SFMBT2: variants seen among roughly 807,000 people sequenced by gnomAD.
SFMBT2 encodes the protein Scm like with four mbt domains 2, also known as scm-like with four MBT domains protein 2.
In SFMBT2, 38 loss-of-function variants were observed where a neutral mutation model predicts 110.1. The observed-to-expected ratio is 0.35, with a 90% CI of 0.27 to 0.45. The LOEUF (loss-of-function observed/expected upper bound fraction) is 0.45. Ranked by LOEUF, SFMBT2 falls within the 20% of genes least tolerant of loss-of-function variation. The pLI, the probability that SFMBT2 is intolerant of heterozygous loss-of-function variation, is 1.00. For missense variants in SFMBT2, 1,011 were observed against 1,094.9 expected (o/e 0.92, Z 1.08); for synonymous variants, 425 against 425.4 (o/e 1.00, Z 0.01).
intron 7 of SFMBT2, among the ~76,000 whole-genome samples, chr10:7,260,661 AC>A (rs1166747450): frequency 6.6e-6 from 1 of 152,094 alleles, no homozygotes; most frequent in African/African-American, 2.4e-5. Context: ...TCCGGCTTAC[AC>A]CACTGGTTCT....
chr10:7,212,454 C>T (rs1026330241), intron 11 of SFMBT2, among the ~76,000 whole-genome samples: 1 of 152,220 alleles, frequency 6.6e-6, no homozygotes, highest in African/African-American at 2.4e-5. Context: ...GGGACAGTGT[C>T]CAGCACCAAG....
intron 7 of SFMBT2, among the ~76,000 whole-genome samples, chr10:7,268,749 G>A (rs1366331888): frequency 2.6e-5 from 4 of 152,204 alleles, no homozygotes; most frequent in Admixed American, 6.5e-5. Flanking sequence ...GACCTCAGGT[G>A]ATTCACCCAC....
At chr10:7,197,082 C>T (rs2692804) in intron 15 of SFMBT2, among the ~76,000 whole-genome samples, 1 of 151,678 alleles carries the variant, frequency 6.6e-6, no homozygotes, top group African/African-American at 2.4e-5. Flanking sequence ...ACCAGGTGCT[C>T]GGAAGAGATG....
intron 15 of SFMBT2, among the ~76,000 whole-genome samples, chr10:7,195,573 C>T (rs552725923): frequency 5.3e-5 from 8 of 152,322 alleles, no homozygotes; most frequent in African/African-American, 1.2e-4. Flanking sequence ...ACTCTAAACA[C>T]GAACAAGGGC....
At position 7,348,233 on chromosome 10, in the gene SFMBT2, C is replaced by T. The variant is rs1316458677; in HGVS notation, c.436+19416G>A. 2.1e-5 allele frequency: 30 copies of T among 1,442,674 alleles called. No individual in the cohort carries two copies. The Admixed American group carries it at 3.4e-4, about 16-fold the overall frequency. 89.4% of individuals were successfully genotyped at this position (1,442,674 alleles called of 1,614,324 possible). ...GTGGTGGGAGAGGTTCGTGTGGGAT[C>T]GGGGAGTTGTTTCATTTCGTGACGG... On this transcript the variant is annotated intron_variant, in intron 4 of 20. Transcript: ENST00000397167.
chr10:7,396,336 A>G (rs1440085566), intron 1 of SFMBT2, among the ~76,000 whole-genome samples: 1 of 152,200 alleles, frequency 6.6e-6, no homozygotes, highest in East Asian at 1.9e-4. Flanking sequence ...CCAGGGAGGA[A>G]ACCCCAACGT....
intron 15 of SFMBT2, 60 bp downstream of exon 15, chr10:7,197,488 C>G: frequency 6.3e-7 from 1 of 1,583,044 alleles, no homozygotes; most frequent in Non-Finnish European, 8.6e-7. Flanking sequence ...AGAAACTGAG[C>G]CCACAGCTTT....
At chr10:7,349,435 C>CTTTCCTTTTTTTTTTT (rs1844231845) in intron 4 of SFMBT2, among the ~76,000 whole-genome samples, 1 of 24,874 alleles carries the variant, frequency 4.0e-5, no homozygotes, top group Non-Finnish European at 8.6e-5. Context: ...TTTTTCTTTT[C>CTTTCCTTTTTTTTTTT]TTTTCTTTTT....
intron 1 of SFMBT2, among the ~76,000 whole-genome samples, chr10:7,396,182 G>A (rs1253972336): frequency 6.6e-6 from 1 of 152,198 alleles, no homozygotes; most frequent in East Asian, 1.9e-4. Context: ...CCAGGAGATG[G>A]AGGTTGCAGT....
intron 4 of SFMBT2, chr10:7,287,265 G>C (rs1035034229): frequency 6.5e-6 from 1 of 154,422 alleles, no homozygotes; most frequent in Non-Finnish European, 1.4e-5. Context: ...ATTTTTAGTA[G>C]AGACGGGGTT....
At position 7,180,554 on chromosome 10, in the gene SFMBT2, T is replaced by C. The variant is rs1406557985; in HGVS notation, c.1809-4389A>G. ...ACTGGGGCCCAACTCCGGACAGCCA[T>C]GAAGAGCCTTTAACCCCAGAGCTGC... On this transcript the variant is annotated intron_variant, in intron 16 of 20. Transcript: ENST00000397167. Among the ~76,000 whole-genome samples, 3 of 152,096 alleles carry C rather than the reference T, an allele frequency of 2.0e-5. 1 individual carries two copies. Among genetic ancestry groups the C allele is most frequent in the African/African-American group, 7.2e-5 (3 of 41,420 alleles).
intron 17 of SFMBT2, among the ~76,000 whole-genome samples, chr10:7,173,815 G>A (rs1029443287): frequency 2.0e-5 from 3 of 152,164 alleles, no homozygotes; most frequent in African/African-American, 4.8e-5. Flanking sequence ...AAGCAAAATG[G>A]CAAATGCACC....
chr10:7,404,601 T>C (rs1846164252), intron 1 of SFMBT2, among the ~76,000 whole-genome samples: 1 of 152,206 alleles, frequency 6.6e-6, no homozygotes, highest in African/African-American at 2.4e-5. Context: ...TATCAAAATG[T>C]GTCATTTTTG....
At chr10:7,269,715 C>CGTGTGTGTGT (rs35063251) in intron 7 of SFMBT2, among the ~76,000 whole-genome samples, 1 of 38,466 alleles carries the variant, frequency 2.6e-5, no homozygotes, top group Admixed American at 3.0e-4. Flanking sequence ...TAAGTGTGTG[C>CGTGTGTGTGT]GTGTGTGTGT....
At chr10:7,258,166 C>G (rs1020387755) in intron 7 of SFMBT2, among the ~76,000 whole-genome samples, 3 of 149,908 alleles carry the variant, frequency 2.0e-5, no homozygotes, top group Non-Finnish European at 4.4e-5. Flanking sequence ...CTCCTGGGTT[C>G]AAGCAATCCA....
intron 4 of SFMBT2, among the ~76,000 whole-genome samples, chr10:7,335,629 A>G (rs1485729532): frequency 1.4e-5 from 2 of 147,742 alleles, no homozygotes; most frequent in African/African-American, 5.0e-5. Flanking sequence ...ACAACCATAT[A>G]CATAAATTGC....
At chr10:7,362,159 T>C (rs1028077168) in intron 4 of SFMBT2, among the ~76,000 whole-genome samples, 19 of 152,216 alleles carry the variant, frequency 1.2e-4, no homozygotes, top group African/African-American at 4.3e-4. Flanking sequence ...TAATGTCATA[T>C]GTTCCTTAAT....
rs148194417 is a variant in SFMBT2 at position 7,293,974 on chromosome 10, G to A, written c.437-8020C>T. Among the ~76,000 whole-genome samples, 901 of 152,204 alleles carry A rather than the reference G, an allele frequency of 5.9e-3. 11 individuals are homozygous for A. The highest frequency in any genetic ancestry group is 0.02 in the African/African-American group (847 of 41,526). On this transcript the variant is annotated intron_variant, in intron 4 of 20. Coordinates refer to ENST00000397167, the MANE Select transcript of SFMBT2 (RefSeq NM_001387889.1). This position sits in a 1 kb window ranked among gnomAD's most constrained non-coding sequence, Gnocchi z 4.6. The stretch of plus-strand genomic sequence containing the variant: ...TGTATATCACAGACATCACTTCCTC[G>A]CTGGACATGGCCACATCTCATAGTA...
intron 4 of SFMBT2, among the ~76,000 whole-genome samples, chr10:7,364,525 C>A (rs1844828797): frequency 6.6e-6 from 1 of 152,168 alleles, no homozygotes; most frequent in Non-Finnish European, 1.5e-5. Flanking sequence ...ACATTTTTAC[C>A]AAATGAACCC....
Sources: gnomAD v4.1 joint callset for allele counts (sites outside exome capture counted in the v4.1 genomes callset) on GRCh38, gnomAD v4.1.1 for gene constraint, Gnocchi (gnomAD v3.1) non-coding constraint, MANE v1.5 for transcripts, NCBI Gene and HGNC (gene_info 2026-07-23, HGNC 2026-07-21) for gene names.